Variants in STXBP5L observed in about 807,000 individuals in gnomAD.
The protein encoded by STXBP5L is syntaxin binding protein 5L.
In STXBP5L, 65 loss-of-function variants were observed where a neutral mutation model predicts 144.5. The ratio of observed to expected loss-of-function variants is 0.45; its 90% CI spans 0.37 to 0.55. STXBP5L has a LOEUF of 0.55. Among genes scored for constraint, STXBP5L ranks in the 20% least tolerant of loss-of-function variants. The pLI is 0.00. For missense variants in STXBP5L, 1,298 were observed against 1,405.5 expected, an observed-to-expected ratio of 0.92 and a Z score of 1.22; for synonymous variants, 505 against 469.6, an observed-to-expected ratio of 1.08 and a Z score of -0.97.
intron 3 of STXBP5L, among the ~76,000 whole-genome samples, chr3:120,995,018 C>T (rs574839254): frequency 6.6e-6 from 1 of 151,938 alleles, no homozygotes; most frequent in Non-Finnish European, 1.5e-5. Flanking sequence ...TTTATGTAAC[C>T]AGGAGTTTAT....
chr3:121,272,433 T>A (rs2050759878), intron 18 of STXBP5L, among the ~76,000 whole-genome samples: 1 of 152,190 alleles, frequency 6.6e-6, no homozygotes, highest in Non-Finnish European at 1.5e-5. Context: ...TCTGATATAA[T>A]TAAGCTACCT....
At chr3:120,917,542 A>G (rs1386125605) in intron 2 of STXBP5L, among the ~76,000 whole-genome samples, 2 of 152,150 alleles carry the variant, frequency 1.3e-5, no homozygotes, top group Non-Finnish European at 2.9e-5. Context: ...CTTTTAAAAT[A>G]GCAAGGGGTG....
chr3:121,264,986 GAGAC>G (rs1291567742), intron 18 of STXBP5L, among the ~76,000 whole-genome samples: 6 of 152,092 alleles, frequency 3.9e-5, no homozygotes, highest in Non-Finnish European at 5.9e-5. Context: ...CAAGTTCTTA[GAGAC>G]AGACAAAGAA....
rs2047327807 is a variant in STXBP5L, at chr3:121,420,312, G to A, written c.*1215G>A. The A allele has an allele frequency of 6.6e-6, 1 of 152,110 alleles. No homozygotes were observed. The highest frequency in any genetic ancestry group is 2.4e-5 in the African/African-American group (1 of 41,426). 9.4% of individuals were successfully genotyped at this position (152,110 alleles called of 1,614,324 possible). On this transcript the variant is annotated 3_prime_UTR_variant, in exon 27 of 27. Coordinates refer to ENST00000471454, the MANE Select transcript of STXBP5L (RefSeq NM_001308330.2). ...CCACTGGAAATCTTTATAAAATATA[G>A]TGATCTGTTTGCTATCTTGGTCTCA...
chr3:121,235,754 C>T (rs903082899), intron 12 of STXBP5L, among the ~76,000 whole-genome samples: 3 of 151,320 alleles, frequency 2.0e-5, no homozygotes, highest in Non-Finnish European at 2.9e-5. Context: ...GCATATATAA[C>T]TATTCTTATT....
chr3:121,172,837 C>T (rs2046779808), intron 9 of STXBP5L, among the ~76,000 whole-genome samples: 1 of 152,164 alleles, frequency 6.6e-6, no homozygotes, highest in Non-Finnish European at 1.5e-5. Context: ...TGGGTGTATA[C>T]CCAAAGGATT....
intron 3 of STXBP5L, among the ~76,000 whole-genome samples, chr3:121,023,100 C>A (rs1466342824): frequency 6.6e-6 from 1 of 151,936 alleles, no homozygotes; most frequent in African/African-American, 2.4e-5. Flanking sequence ...CTTCTATACA[C>A]CAACAGTTAC....
At chr3:121,058,745 C>A (rs767155003) in intron 5 of STXBP5L, among the ~76,000 whole-genome samples, 10 of 152,166 alleles carry the variant, frequency 6.6e-5, no homozygotes, top group Non-Finnish European at 1.0e-4. Context: ...AGCTGTTTTT[C>A]ATATGTTTGT....
At chr3:121,362,063 C>T (rs1560021734) in intron 20 of STXBP5L, among the ~76,000 whole-genome samples, 1 of 152,218 alleles carries the variant, frequency 6.6e-6, no homozygotes, top group Non-Finnish European at 1.5e-5. Context: ...CTTTAATAGT[C>T]TTGGACAAAT....
intron 2 of STXBP5L, among the ~76,000 whole-genome samples, chr3:120,912,659 A>G (rs1012401353): frequency 6.6e-6 from 1 of 151,872 alleles, no homozygotes; most frequent in Non-Finnish European, 1.5e-5. Context: ...GGGTTACTGC[A>G]ATCGTTCAGA....
rs1275741234 is a variant in STXBP5L at position 121,355,695 on chromosome 3, G to A, written c.2177-23021G>A. On this transcript the variant is annotated intron_variant, in intron 20 of 26. Transcript: ENST00000471454. ...TTCTGAAGCCTACTTCTGTCAACTC[G>A]TTAAAGTCATTCTCCATCCAGCTTT... 1.2e-4 allele frequency among the ~76,000 whole-genome samples: 19 copies of A among 152,122 alleles called. No individual in the cohort carries two copies. In the East Asian group the frequency reaches 1.7e-3, roughly 14 times the overall value.
At chr3:121,283,266 A>G (rs2051121063) in intron 19 of STXBP5L, among the ~76,000 whole-genome samples, 1 of 152,026 alleles carries the variant, frequency 6.6e-6, no homozygotes, top group Admixed American at 6.6e-5. Context: ...TATCAGTAAT[A>G]AAACCTAAAA....
rs140132671 is a variant in STXBP5L at position 121,346,139 on chromosome 3, G to A, written c.2176+27599G>A. 5.3e-3 allele frequency among the ~76,000 whole-genome samples: 756 copies of A among 143,216 alleles called. 9 individuals carry two copies. The highest frequency in any genetic ancestry group is 0.019 in the African/African-American group (712 of 38,000). 94.0% of individuals were successfully genotyped at this position (143,216 alleles called of 152,430 possible). On this transcript the variant is annotated intron_variant, in intron 20 of 26. Transcript: ENST00000471454. Reference sequence around the variant, plus strand: ...CCCACAACAGGCCCCAGGGTGTGATGTTTCCCTTCCTGTGTCCATGTGTTC... The same window carrying A: ...CCCACAACAGGCCCCAGGGTGTGATATTTCCCTTCCTGTGTCCATGTGTTC...
chr3:121,275,968 A>G (rs2050869268), intron 18 of STXBP5L, among the ~76,000 whole-genome samples: 1 of 152,070 alleles, frequency 6.6e-6, no homozygotes, highest in Non-Finnish European at 1.5e-5. Context: ...ATCTCTGCCC[A>G]TAATTGGAGT....
rs193257260 is a variant in STXBP5L, at chr3:121,355,295, T to A, written c.2177-23421T>A. 3.2e-4 allele frequency among the ~76,000 whole-genome samples: 48 copies of A among 152,340 alleles called. No individual in the cohort carries two copies. The East Asian group carries it at 4.4e-3, about 14-fold the overall frequency. ...CCTGCAGAGTGTTTTCCAACTTGGT[T>A]CCATTCTCCCTATGACTTTCAGGTA... is the stretch of plus-strand genomic sequence containing the variant. On this transcript the variant is annotated intron_variant, in intron 20 of 26. Coordinates refer to ENST00000471454, the MANE Select transcript of STXBP5L (RefSeq NM_001308330.2).
chr3:121,159,485 TG>T lies in STXBP5L; in HGVS notation c.877+1859del. Among the ~76,000 whole-genome samples, 4 of 152,240 alleles carry T rather than the reference TG, an allele frequency of 2.6e-5. No homozygotes were observed. In the South Asian group the frequency reaches 8.3e-4, roughly 32 times the overall value. ...CACACCCAACCTCAATTTCTAAGCA[TG>T]TTTTTTATGATGGATTTTAAAATTG... On this transcript the variant is annotated intron_variant, in intron 9 of 26. Transcript: ENST00000471454.
intron 5 of STXBP5L, among the ~76,000 whole-genome samples, chr3:121,083,124 G>T (rs1197794927): frequency 1.3e-5 from 2 of 152,092 alleles, no homozygotes; most frequent in East Asian, 3.9e-4. Flanking sequence ...GCTTGAACCT[G>T]GGAGGTGGAG....
chr3:121,218,195 ATATAT>A (rs1171268047), intron 10 of STXBP5L, among the ~76,000 whole-genome samples: 9 of 142,382 alleles, frequency 6.3e-5, no homozygotes, highest in Non-Finnish European at 9.1e-5. Context: ...GATATAGTAT[ATATAT>A]TACTATATAC....
At chr3:121,008,375 C>T (rs547171923) in intron 3 of STXBP5L, among the ~76,000 whole-genome samples, 1 of 152,022 alleles carries the variant, frequency 6.6e-6, no homozygotes, top group Non-Finnish European at 1.5e-5. Flanking sequence ...AGAAGCATTC[C>T]CTCCCCTGGA....
Sources: allele counts gnomAD v4.1 joint callset (sites outside exome capture counted in the v4.1 genomes callset), GRCh38; gene constraint gnomAD v4.1.1; transcripts MANE v1.5; gene names NCBI Gene and HGNC (gene_info 2026-07-23, HGNC 2026-07-21).